Variants in ZC3H6 observed in about 807,000 individuals in gnomAD.
The protein encoded by ZC3H6 is zinc finger CCCH domain-containing protein 6.
ZC3H6 carries 40 observed loss-of-function variants against 107.7 expected under a neutral mutation model. The ratio of observed to expected loss-of-function variants is 0.37; its 90% CI spans 0.29 to 0.48. The LOEUF (loss-of-function observed/expected upper bound fraction) is 0.48, where lower values mean the gene tolerates loss of function less well. Ranked by LOEUF, ZC3H6 falls within the 20% of genes least tolerant of loss-of-function variation. ZC3H6 has a pLI of 0.98. For missense variants in ZC3H6, 1,267 were observed against 1,410.4 expected (o/e 0.90, Z 1.63); for synonymous variants, 493 against 487.9 (o/e 1.01, Z -0.14).
intron 1 of ZC3H6, among the ~76,000 whole-genome samples, chr2:112,276,980 A>G (rs1686438290): frequency 6.6e-6 from 1 of 152,018 alleles, no homozygotes; most frequent in Non-Finnish European, 1.5e-5. Context: ...TATACGTTTT[A>G]CTATAGACTA....
intron 1 of ZC3H6, among the ~76,000 whole-genome samples, chr2:112,298,287 G>C (rs1001533474): frequency 6.6e-6 from 1 of 152,060 alleles, no homozygotes; most frequent in Non-Finnish European, 1.5e-5. Context: ...GAAGGACGGT[G>C]ACACAAACAG....
intron 1 of ZC3H6, among the ~76,000 whole-genome samples, chr2:112,291,477 G>A (rs1342088945): frequency 6.6e-6 from 1 of 152,138 alleles, no homozygotes; most frequent in Admixed American, 6.5e-5. Flanking sequence ...CAGGTAATCC[G>A]TCCGCCTCAG....
chr2:112,309,004 A>G (rs1676544073), intron 3 of ZC3H6, among the ~76,000 whole-genome samples: 1 of 152,040 alleles, frequency 6.6e-6, no homozygotes, highest in Non-Finnish European at 1.5e-5. Context: ...GTGAGCCAAG[A>G]TCATGCCACT....
intron 3 of ZC3H6, among the ~76,000 whole-genome samples, chr2:112,304,954 T>C (rs966782793): frequency 1.3e-5 from 2 of 152,230 alleles, no homozygotes; most frequent in African/African-American, 4.8e-5. Context: ...TATTAAAATA[T>C]CTTCTCTTAA....
chr2:112,277,547 C>G (rs547858611), intron 1 of ZC3H6, among the ~76,000 whole-genome samples: 1 of 152,000 alleles, frequency 6.6e-6, no homozygotes, highest in South Asian at 2.1e-4. Flanking sequence ...GATGACAGAC[C>G]TTTTAAAGAA....
rs1318747946 is a variant in ZC3H6 at position 112,275,703 on chromosome 2, T to G, written c.-292T>G. The G allele has an allele frequency of 7.2e-6, 3 of 417,028 alleles. No individual in the cohort carries two copies. The highest frequency in any genetic ancestry group is 1.3e-5 in the Non-Finnish European group (3 of 235,548). 25.8% of individuals were successfully genotyped at this position (417,028 alleles called of 1,614,324 possible). A position where few individuals can be genotyped will look rare whatever the true frequency, so the allele number is the denominator to read the frequency against. The stretch of plus-strand genomic sequence containing the variant: ...GCGTCGCTGCACGCCGCCCGCCCGC[T>G]CCCACGCCACAGCCACCGGCGGCGA... On this transcript the variant is annotated 5_prime_UTR_variant, in exon 1 of 12. Transcript: ENST00000409871.
chr2:112,281,635 G>A (rs1686528404), intron 1 of ZC3H6, among the ~76,000 whole-genome samples: 1 of 152,230 alleles, frequency 6.6e-6, no homozygotes, highest in African/African-American at 2.4e-5. Context: ...GAAATCAGAT[G>A]AGGACTTGAC....
intron 1 of ZC3H6, among the ~76,000 whole-genome samples, chr2:112,295,648 A>G (rs1189111832): frequency 6.6e-6 from 1 of 152,146 alleles, no homozygotes; most frequent in African/African-American, 2.4e-5. Flanking sequence ...AGTGTGAATT[A>G]TTTTTCTCTA....
At chr2:112,285,891 G>T (rs964516909) in intron 1 of ZC3H6, among the ~76,000 whole-genome samples, 1 of 152,006 alleles carries the variant, frequency 6.6e-6, no homozygotes, top group Non-Finnish European at 1.5e-5. Context: ...AATCCAGGAG[G>T]CGGAGGCTGC....
intron 1 of ZC3H6, among the ~76,000 whole-genome samples, chr2:112,288,814 G>C (rs1686658583): frequency 6.6e-6 from 1 of 152,090 alleles, no homozygotes; most frequent in Non-Finnish European, 1.5e-5. Flanking sequence ...GATTTCATTT[G>C]GTTTTTGTTT....
chr2:112,302,881 A>G (rs1019783452), intron 2 of ZC3H6, among the ~76,000 whole-genome samples: 3 of 151,914 alleles, frequency 2.0e-5, no homozygotes, highest in South Asian at 2.1e-4. Flanking sequence ...CTCATGTTCT[A>G]TGACCTTTCT....
At chr2:112,305,709 C>T (rs1676467099) in intron 3 of ZC3H6, among the ~76,000 whole-genome samples, 1 of 152,168 alleles carries the variant, frequency 6.6e-6, no homozygotes, top group Admixed American at 6.5e-5. Context: ...TATCTTATAG[C>T]ACAGGTTTGC....
At position 112,275,886 on chromosome 2, in the gene ZC3H6, C is replaced by A; in HGVS notation, c.-109C>A. The A allele has an allele frequency of 1.2e-6, 1 of 859,292 alleles. No individual in the cohort carries two copies. Among genetic ancestry groups the A allele is most frequent in the Non-Finnish European group, 1.7e-6 (1 of 575,548 alleles). 53.2% of individuals were successfully genotyped at this position (859,292 alleles called of 1,614,324 possible). A position where few individuals can be genotyped will look rare whatever the true frequency, so the allele number is the denominator to read the frequency against. On this transcript the variant is annotated 5_prime_UTR_variant, in exon 1 of 12. Coordinates refer to ENST00000409871, the MANE Select transcript of ZC3H6 (RefSeq NM_198581.3). ...TTTTTACCACTTCGTCACCTGTCGGCGGCGGCCGGGAGCAGGTTCCCGCAG... is the reference window on the plus strand; with the variant it reads ...TTTTTACCACTTCGTCACCTGTCGGAGGCGGCCGGGAGCAGGTTCCCGCAG...
intron 1 of ZC3H6, among the ~76,000 whole-genome samples, chr2:112,296,878 G>A (rs1323046527): frequency 6.6e-6 from 1 of 152,210 alleles, no homozygotes; most frequent in Non-Finnish European, 1.5e-5. Context: ...GCAATGATAA[G>A]AGAAATGAGA....
rs1677060731 is a variant in ZC3H6 at position 112,332,683 on chromosome 2, CTG to C, written c.*197_*198del. ...ATAATATTTTTATAACTTTAAGAGA[CTG>C]TAGTAATTGACCTAAAAACTTATGT... On this transcript the variant is annotated 3_prime_UTR_variant, in exon 12 of 12. Transcript: ENST00000409871. 6.8e-6 allele frequency: 3 copies of C among 439,218 alleles called. No individual in the cohort carries two copies. The highest frequency in any genetic ancestry group is 4.0e-5 in the Admixed American group (1 of 25,090). The allele number at this position is 439,218 out of a possible 1,614,324, so 27.2% of individuals were successfully genotyped here.
chr2:112,276,049 C>G, intron 1 of ZC3H6, 23 bp downstream of exon 1: 2 of 1,539,128 alleles, frequency 1.3e-6, no homozygotes, highest in Non-Finnish European at 1.8e-6. Context: ...TCTTGTCTGT[C>G]TTTCTGTCGG....
intron 1 of ZC3H6, among the ~76,000 whole-genome samples, chr2:112,277,551 T>TA (rs1458338431): frequency 6.6e-6 from 1 of 152,202 alleles, no homozygotes; most frequent in Non-Finnish European, 1.5e-5. Flanking sequence ...ACAGACCTTT[T>TA]AAAGAATTTG....
chr2:112,306,606 T>G (rs1676481987), intron 3 of ZC3H6, among the ~76,000 whole-genome samples: 1 of 152,224 alleles, frequency 6.6e-6, no homozygotes, highest in Admixed American at 6.5e-5. Context: ...ACTTTAGGCC[T>G]AGGATGATGT....
At chr2:112,314,292 A>G (rs565755666) in intron 5 of ZC3H6, among the ~76,000 whole-genome samples, 4 of 152,050 alleles carry the variant, frequency 2.6e-5, no homozygotes, top group Admixed American at 6.6e-5. Flanking sequence ...CTAACTCACC[A>G]TATCTTCTGG....
Sources: gnomAD v4.1 joint callset for allele counts (sites outside exome capture counted in the v4.1 genomes callset) on GRCh38, gnomAD v4.1.1 for gene constraint, MANE v1.5 for transcripts, NCBI Gene and HGNC (gene_info 2026-07-23, HGNC 2026-07-21) for gene names.